The following DYM variants were observed in gnomAD, a reference collection of about 807,000 sequenced individuals.
DYM encodes dyggve-Melchior-Clausen syndrome protein.
A neutral mutation model predicts 93.1 loss-of-function variants in DYM; 78 were observed. The observed-to-expected ratio is 0.84, with a 90% CI of 0.70 to 1.01. The LOEUF (loss-of-function observed/expected upper bound fraction) is 1.01. Among genes scored for constraint, DYM ranks in the 50% least tolerant of loss-of-function variants. The pLI, the probability that DYM is intolerant of heterozygous loss-of-function variation, is 0.00. For missense variants in DYM, 789 were observed against 845.0 expected (o/e 0.93, Z 0.82); for synonymous variants, 321 against 319.7 (o/e 1.00, Z -0.04).
chr18:49,097,933 G>C (rs192673337), intron 16 of DYM, among the ~76,000 whole-genome samples: 1 of 149,696 alleles, frequency 6.7e-6, no homozygotes, highest in African/African-American at 2.5e-5. Flanking sequence ...TAACAGGAAA[G>C]AATTTGAAAC....
chr18:49,181,622 G>A (rs866380743), intron 14 of DYM, among the ~76,000 whole-genome samples: 9 of 152,046 alleles, frequency 5.9e-5, no homozygotes, highest in Admixed American at 2.6e-4. Context: ...TGCTCAAAAC[G>A]TTCTGAATTT....
rs3084549 is a variant in DYM, at chr18:49,254,281, CATATATATAT to C, written c.1460+2719_1460+2728del. The stretch of plus-strand genomic sequence containing the variant: ...TCTGCTGTATAAAAGATCCTTGTAT[CATATATATAT>C]ATATATATATATATATATATATATA... On this transcript the variant is annotated intron_variant, in intron 13 of 17. Coordinates refer to ENST00000675505, the MANE Select transcript of DYM (RefSeq NM_001353214.3). Among the ~76,000 whole-genome samples the C allele has an allele frequency of 1.7e-3, 227 of 136,566 alleles. 3 individuals carry two copies. Among genetic ancestry groups the C allele is most frequent in the East Asian group, 5.9e-3 (24 of 4,086 alleles). The allele number at this position is 136,566 out of a possible 152,430, so 89.6% of individuals were successfully genotyped here. A position where few individuals can be genotyped will look rare whatever the true frequency, so the allele number is the denominator to read the frequency against.
At chr18:49,458,440 T>C (rs1461315125) in intron 1 of DYM, among the ~76,000 whole-genome samples, 1 of 152,224 alleles carries the variant, frequency 6.6e-6, no homozygotes, top group African/African-American at 2.4e-5. Context: ...CTGTTTATCC[T>C]CTTTGTATCA....
chr18:49,201,235 G>T (rs926109398), intron 14 of DYM, among the ~76,000 whole-genome samples: 2 of 152,142 alleles, frequency 1.3e-5, no homozygotes, highest in Non-Finnish European at 2.9e-5. Context: ...ATGCACAGAA[G>T]TAATAACACA....
chr18:49,087,365 G>C (rs1034889889), intron 17 of DYM, among the ~76,000 whole-genome samples: 1 of 152,064 alleles, frequency 6.6e-6, no homozygotes, highest in Non-Finnish European at 1.5e-5. Flanking sequence ...TTCTACTCTA[G>C]GATTACAAAG....
intron 17 of DYM, among the ~76,000 whole-genome samples, chr18:49,088,101 C>CAGAA (rs2078715605): frequency 6.6e-6 from 1 of 152,042 alleles, no homozygotes; most frequent in South Asian, 2.1e-4. Context: ...TTTTGCTGTG[C>CAGAA]AGAAGCTCTT....
chr18:49,148,781 T>TA (rs2085461606), intron 15 of DYM, among the ~76,000 whole-genome samples: 1 of 152,132 alleles, frequency 6.6e-6, no homozygotes, highest in Non-Finnish European at 1.5e-5. Flanking sequence ...ATTACCTTGT[T>TA]AGGGGTCTGT....
At chr18:49,378,729 A>C in intron 4 of DYM, 29 bp from the exon 5 acceptor site, 1 of 1,609,802 alleles carries the variant, frequency 6.2e-7, no homozygotes, top group Non-Finnish European at 8.5e-7. Context: ...TACAAGAATC[A>C]ATATTTAAAC....
At chr18:49,146,351 T>A (rs1266631103) in intron 15 of DYM, among the ~76,000 whole-genome samples, 1 of 152,128 alleles carries the variant, frequency 6.6e-6, no homozygotes. Context: ...CCAGGGCAAT[T>A]AGGCAGGAGA....
chr18:49,130,494 A>G (rs1354009043), intron 15 of DYM, among the ~76,000 whole-genome samples: 1 of 152,278 alleles, frequency 6.6e-6, no homozygotes, highest in East Asian at 1.9e-4. Flanking sequence ...TCTTTGGTAA[A>G]TTGTCTGTTT....
intron 17 of DYM, among the ~76,000 whole-genome samples, chr18:49,062,430 G>C (rs993256545): frequency 6.6e-6 from 1 of 152,140 alleles, no homozygotes; most frequent in Non-Finnish European, 1.5e-5. Context: ...TGGGATCTCC[G>C]AGGCCTGCAA....
rs150961233 is a variant in DYM, at chr18:49,038,754, G to A, written c.*5301C>T. ...AAATCTTCCACTGAATTGATTATTCGAATTCTCTCTTATTATGTGGAAAGC... is the reference window on the plus strand; with the variant it reads ...AAATCTTCCACTGAATTGATTATTCAAATTCTCTCTTATTATGTGGAAAGC... On this transcript the variant is annotated 3_prime_UTR_variant, in exon 18 of 18. Coordinates refer to ENST00000675505, the MANE Select transcript of DYM (RefSeq NM_001353214.3). 1.5e-3 allele frequency among the ~76,000 whole-genome samples: 223 copies of A among 152,096 alleles called. No homozygotes were observed. Among genetic ancestry groups the A allele is most frequent in the Non-Finnish European group, 2.5e-3 (169 of 67,968 alleles).
intron 14 of DYM, among the ~76,000 whole-genome samples, chr18:49,166,546 C>G (rs749530670): frequency 1.5e-4 from 22 of 151,386 alleles, no homozygotes; most frequent in Non-Finnish European, 1.6e-4. Flanking sequence ...GAACATAATA[C>G]TGAACTGCAT....
intron 8 of DYM, among the ~76,000 whole-genome samples, chr18:49,311,145 C>A (rs576928835): frequency 1.3e-5 from 2 of 152,242 alleles, no homozygotes; most frequent in Admixed American, 1.3e-4. Context: ...AGCAGAGGGA[C>A]AACAGGACCG....
At chr18:49,289,358 C>T (rs1317321981) in intron 8 of DYM, among the ~76,000 whole-genome samples, 9 of 117,376 alleles carry the variant, frequency 7.7e-5, no homozygotes, top group African/African-American at 1.6e-4. Context: ...AAGCAACATT[C>T]GTAACATGCA....
At chr18:49,400,300 T>G (rs2070665762) in intron 2 of DYM, among the ~76,000 whole-genome samples, 1 of 152,176 alleles carries the variant, frequency 6.6e-6, no homozygotes, top group Admixed American at 6.5e-5. Context: ...GCAGTCTGAT[T>G]TGTCAGAATT....
intron 17 of DYM, among the ~76,000 whole-genome samples, chr18:49,046,644 A>C (rs183924231): frequency 6.6e-6 from 1 of 152,226 alleles, no homozygotes; most frequent in African/African-American, 2.4e-5. Context: ...TCACGCCTGT[A>C]ATCCCAGCAC....
At chr18:49,198,121 G>T (rs941252347) in intron 14 of DYM, among the ~76,000 whole-genome samples, 4 of 152,158 alleles carry the variant, frequency 2.6e-5, no homozygotes, top group Admixed American at 2.0e-4. Context: ...ACAAAAACAA[G>T]AAATGGGGAA....
At chr18:49,150,498 G>A (rs1189293323) in intron 15 of DYM, among the ~76,000 whole-genome samples, 4 of 152,192 alleles carry the variant, frequency 2.6e-5, no homozygotes, top group Non-Finnish European at 5.9e-5. Context: ...TTGAGAAGGT[G>A]GCTGTCTGGA....
Sources: gnomAD v4.1 joint callset for allele counts (sites outside exome capture counted in the v4.1 genomes callset) on GRCh38, gnomAD v4.1.1 for gene constraint, MANE v1.5 for transcripts, NCBI Gene and HGNC (gene_info 2026-07-23, HGNC 2026-07-21) for gene names.